DDAH1: variants seen among roughly 807,000 people sequenced by gnomAD.
DDAH1 encodes the protein N(G),N(G)-dimethylarginine dimethylaminohydrolase 1.
DDAH1 carries 19 observed loss-of-function variants against 28.8 expected under a neutral mutation model. That is an observed-to-expected ratio of 0.66 (90% CI 0.46 to 0.97). The LOEUF (loss-of-function observed/expected upper bound fraction) is 0.97. Among genes scored for constraint, DDAH1 ranks in the 50% least tolerant of loss-of-function variants. The probability of loss-of-function intolerance (pLI) is 0.00; values close to 1 mark genes in which losing one functional copy is unlikely to be tolerated. For synonymous variants in DDAH1, 153 were observed against 154.4 expected (o/e 0.99, Z 0.07); for missense variants, 326 against 375.9 (o/e 0.87, Z 1.10).
At chr1:85,560,472 T>C (rs1421932789) in intron 1 of DDAH1, among the ~76,000 whole-genome samples, 1 of 152,102 alleles carries the variant, frequency 6.6e-6, no homozygotes, top group Non-Finnish European at 1.5e-5. Flanking sequence ...CAATGAAGTA[T>C]GGCGTTTGTA....
chr1:85,534,312 T>G (rs1357662417), intron 1 of DDAH1, among the ~76,000 whole-genome samples: 5 of 152,076 alleles, frequency 3.3e-5, no homozygotes, highest in Non-Finnish European at 5.9e-5. Context: ...AAACAAGAAC[T>G]CTAACTTGAA....
chr1:85,407,427 T>C (rs1468264727), intron 1 of DDAH1, among the ~76,000 whole-genome samples: 1 of 152,206 alleles, frequency 6.6e-6, no homozygotes, highest in East Asian at 1.9e-4. Flanking sequence ...AAATGTACCC[T>C]GACCTCTTTT....
intron 1 of DDAH1, among the ~76,000 whole-genome samples, chr1:85,547,989 A>G (rs921739102): frequency 6.6e-6 from 1 of 152,224 alleles, no homozygotes; most frequent in Non-Finnish European, 1.5e-5. Flanking sequence ...TTCTTAACCT[A>G]TAGTCTGTAA....
At chr1:85,504,063 T>C (rs1656922427) in intron 1 of DDAH1, among the ~76,000 whole-genome samples, 2 of 152,236 alleles carry the variant, frequency 1.3e-5, no homozygotes, top group Non-Finnish European at 2.9e-5. Context: ...GTGATGATAT[T>C]GCTCAAAGAT....
In DDAH1 at chr1:85,479,384, A is replaced by G. The variant is rs578052378; in HGVS notation, c.-7+16782T>C. 5.3e-5 allele frequency among the ~76,000 whole-genome samples: 8 copies of G among 151,406 alleles called. No individual in the cohort carries two copies. The South Asian group carries it at 1.5e-3, about 28-fold the overall frequency. On this transcript the variant is annotated intron_variant, in intron 2 of 6. Transcript: ENST00000426972. Reference sequence around the variant, plus strand: ...GAGACGGGGTTTCACCGTGTTAGCCAGGATGGTCTCGATCTCCTGACCTCA... The same window carrying G: ...GAGACGGGGTTTCACCGTGTTAGCCGGGATGGTCTCGATCTCCTGACCTCA...
At chr1:85,452,870 C>T (rs1570563689) in intron 1 of DDAH1, among the ~76,000 whole-genome samples, 2 of 152,186 alleles carry the variant, frequency 1.3e-5, no homozygotes, top group South Asian at 2.1e-4. Context: ...CCTGGCTAAA[C>T]GATCACTGAA....
At chr1:85,532,985 G>A (rs1224670840) in intron 1 of DDAH1, among the ~76,000 whole-genome samples, 1 of 152,160 alleles carries the variant, frequency 6.6e-6, no homozygotes, top group Admixed American at 6.5e-5. Context: ...GGTATAACTA[G>A]CATTAAAGAA....
At chr1:85,576,964 G>GCCGCCACCGCCGCCGCCA (rs567266991) in intron 1 of DDAH1, 1 of 153,662 alleles carries the variant, frequency 6.5e-6, no homozygotes, top group Admixed American at 6.6e-5. Context: ...AGCCGCCGCC[G>GCCGCCACCGCCGCCGCCA]CCGCCACCGC....
intron 1 of DDAH1, among the ~76,000 whole-genome samples, chr1:85,517,588 T>C (rs1411415916): frequency 3.9e-5 from 6 of 152,162 alleles, no homozygotes; most frequent in African/African-American, 1.2e-4. Context: ...TTCCTCAAGA[T>C]AGTCCCTAAA....
chr1:85,480,723 G>T (rs746481436), intron 2 of DDAH1, among the ~76,000 whole-genome samples: 2 of 152,034 alleles, frequency 1.3e-5, no homozygotes, highest in African/African-American at 4.8e-5. Flanking sequence ...CAACCTGGGC[G>T]ATAGAGCAAG....
At chr1:85,459,445 A>C (rs557986026) in intron 1 of DDAH1, among the ~76,000 whole-genome samples, 2 of 152,344 alleles carry the variant, frequency 1.3e-5, no homozygotes, top group East Asian at 3.9e-4. Context: ...GATGCATCCC[A>C]GTCTCTGGGA....
intron 4 of DDAH1, among the ~76,000 whole-genome samples, chr1:85,339,984 CT>C (rs1315430678): frequency 6.6e-6 from 1 of 151,876 alleles, no homozygotes; most frequent in Non-Finnish European, 1.5e-5. Flanking sequence ...TTTTTTAAAT[CT>C]TTTGCCAAAT....
chr1:85,342,822 G>A (rs573720152), intron 4 of DDAH1, among the ~76,000 whole-genome samples: 3 of 152,152 alleles, frequency 2.0e-5, no homozygotes, highest in Non-Finnish European at 4.4e-5. Flanking sequence ...CTGTGCATTA[G>A]AATCACCTGC....
intron 1 of DDAH1, among the ~76,000 whole-genome samples, chr1:85,400,438 G>T (rs143870613): frequency 6.6e-6 from 1 of 151,768 alleles, no homozygotes; most frequent in Non-Finnish European, 1.5e-5. Context: ...TCCTGATCTC[G>T]GGTGATCTGC....
At chr1:85,432,734 C>G (rs900287117) in intron 1 of DDAH1, among the ~76,000 whole-genome samples, 12 of 152,284 alleles carry the variant, frequency 7.9e-5, no homozygotes, top group Non-Finnish European at 1.5e-4. Flanking sequence ...TTTGGTTTAT[C>G]TACTTCACCT....
At chr1:85,345,043 T>C (rs1010814170) in intron 4 of DDAH1, among the ~76,000 whole-genome samples, 6 of 152,192 alleles carry the variant, frequency 3.9e-5, no homozygotes, top group African/African-American at 1.4e-4. Flanking sequence ...AATTAAAGTA[T>C]ACAAAGTGTA....
intron 1 of DDAH1, among the ~76,000 whole-genome samples, chr1:85,409,788 G>A (rs1414323051): frequency 6.6e-6 from 1 of 152,062 alleles, no homozygotes; most frequent in East Asian, 1.9e-4. Flanking sequence ...ATAAGAAATT[G>A]TACATATTAG....
At chr1:85,490,455 T>G (rs1286795088) in intron 2 of DDAH1, among the ~76,000 whole-genome samples, 1 of 152,186 alleles carries the variant, frequency 6.6e-6, no homozygotes, top group Non-Finnish European at 1.5e-5. Context: ...ATTGAACCAC[T>G]GGAGACAAGG....
At chr1:85,362,608 A>C (rs1477927506) in intron 1 of DDAH1, among the ~76,000 whole-genome samples, 1 of 152,072 alleles carries the variant, frequency 6.6e-6, no homozygotes, top group Non-Finnish European at 1.5e-5. Context: ...AGTCTTTATC[A>C]CTTATTAGCA....
Sources: allele counts gnomAD v4.1 joint callset (sites outside exome capture counted in the v4.1 genomes callset), GRCh38; gene constraint gnomAD v4.1.1; transcripts MANE v1.5; gene names NCBI Gene and HGNC (gene_info 2026-07-23, HGNC 2026-07-21).